ERFL: variants seen among roughly 807,000 people sequenced by gnomAD.
ERFL encodes ETS domain-containing transcription factor ERF-like.
In ERFL, 8 loss-of-function variants were observed where a neutral mutation model predicts 27.9. That is an observed-to-expected ratio of 0.29 (90% CI 0.17 to 0.52). The LOEUF (loss-of-function observed/expected upper bound fraction) is 0.52, where lower values mean the gene tolerates loss of function less well. ERFL is among the 20% of genes least tolerant of loss of function. ERFL has a pLI of 0.97. For synonymous variants in ERFL, 174 were observed against 202.8 expected (o/e 0.86, Z 1.21); for missense variants, 294 against 444.4 (o/e 0.66, Z 3.04).
rs1555851146 is a variant in ERFL at position 41,910,461 on chromosome 19, C to G, written c.68-364G>C. ...TCCAACAGCGTTAGTCCTCTCACTG[C>G]CCCCAGCCAGCCCTAGGAGGTCTCT... On this transcript the variant is annotated intron_variant, in intron 2 of 5. Coordinates refer to ENST00000597630, the MANE Select transcript of ERFL (RefSeq NM_001365103.2). The surrounding 1 kb of genome is among the most constrained non-coding windows in gnomAD (Gnocchi z 4.4). Among the ~76,000 whole-genome samples, 1 of 152,070 alleles carries G rather than the reference C, an allele frequency of 6.6e-6. No individual in the cohort carries two copies. Among genetic ancestry groups the G allele is most frequent in the East Asian group, 1.9e-4 (1 of 5,192 alleles).
rs2074740120 is a variant in ERFL at position 41,909,372 on chromosome 19, C to T, written c.402G>A (p.Leu134=). ...SKVVLVNYPL[L]DMAAAATGSP... ...AGCCAGTGGCAGCTGCCGCCATGTC[C>T]AGCAGCGGGTAATTGACAAGCACGA... The change falls in exon 4 of 6, where the codon CTG becomes CTA. Residue 134 remains leucine, a synonymous_variant. Coordinates refer to ENST00000597630, the MANE Select transcript of ERFL (RefSeq NM_001365103.2). This position sits in a 1 kb window ranked among gnomAD's most constrained non-coding sequence, Gnocchi z 5.2. The T allele has an allele frequency of 1.6e-6, 2 of 1,236,836 alleles. No individual in the cohort carries two copies. The highest frequency in any genetic ancestry group is 2.0e-6 in the Non-Finnish European group (2 of 990,104). The allele number at this position is 1,236,836 out of a possible 1,614,324, so 76.6% of individuals were successfully genotyped here. A position where few individuals can be genotyped will look rare whatever the true frequency, so the allele number is the denominator to read the frequency against.
At chr19:41,915,511 T>C (rs1468690175) in intron 1 of ERFL, among the ~76,000 whole-genome samples, 8 of 151,844 alleles carry the variant, frequency 5.3e-5, no homozygotes, top group Non-Finnish European at 7.4e-5. Context: ...TGTCTCTGGG[T>C]CTCCACATGG....
intron 1 of ERFL, among the ~76,000 whole-genome samples, chr19:41,922,131 G>C (rs1456490326): frequency 6.6e-6 from 1 of 152,122 alleles, no homozygotes; most frequent in Non-Finnish European, 1.5e-5. Flanking sequence ...GTGTACACCA[G>C]AACCAGCTAC....
rs1197961501 is a variant in ERFL at position 41,921,951 on chromosome 19, T to C, written c.-14+6089A>G. ...CTCCATCCTCTACCTCTCCTCCTGG[T>C]CCTCATCCCCAACTCCCACCCCTTC... On this transcript the variant is annotated intron_variant, in intron 1 of 5. Coordinates refer to ENST00000597630, the MANE Select transcript of ERFL (RefSeq NM_001365103.2). The surrounding 1 kb of genome is among the most constrained non-coding windows in gnomAD (Gnocchi z 4.4). Among the ~76,000 whole-genome samples, 9 of 139,954 alleles carry C rather than the reference T, an allele frequency of 6.4e-5. No homozygotes were observed. The highest frequency in any genetic ancestry group is 2.4e-4 in the African/African-American group (9 of 37,440). The allele number at this position is 139,954 out of a possible 152,430, so 91.8% of individuals were successfully genotyped here.
intron 1 of ERFL, among the ~76,000 whole-genome samples, chr19:41,924,405 G>T (rs1360743962): frequency 1.3e-5 from 2 of 152,112 alleles, no homozygotes; most frequent in Non-Finnish European, 1.5e-5. Context: ...GCAAGTACGT[G>T]CCTCATGAGG....
Position 41,921,018 on chromosome 19 carries a change from G to A in ERFL, c.-14+7022C>T, listed in dbSNP as rs1007411927. ...CTCCGCACGATGTCCCTGGGGCTGCGGACAGCAGCGCTCCGAATGGTGTCA... is the reference window on the plus strand; with the variant it reads ...CTCCGCACGATGTCCCTGGGGCTGCAGACAGCAGCGCTCCGAATGGTGTCA... On this transcript the variant is annotated intron_variant, in intron 1 of 5. Transcript: ENST00000597630. This position sits in a 1 kb window ranked among gnomAD's most constrained non-coding sequence, Gnocchi z 4.4. 1.3e-5 allele frequency among the ~76,000 whole-genome samples: 2 copies of A among 152,358 alleles called. No homozygotes were observed. The highest frequency in any genetic ancestry group is 2.1e-4 in the South Asian group (1 of 4,830).
chr19:41,925,272 G>T (rs1424442245), intron 1 of ERFL, among the ~76,000 whole-genome samples: 5 of 152,096 alleles, frequency 3.3e-5, no homozygotes, highest in Non-Finnish European at 5.9e-5. Context: ...GGGGTTACTG[G>T]TGTGACCTTG....
chr19:41,911,964 A>C (rs533168092), intron 2 of ERFL, among the ~76,000 whole-genome samples: 4 of 151,838 alleles, frequency 2.6e-5, no homozygotes, highest in Non-Finnish European at 4.4e-5. Flanking sequence ...ACAGAGGCCC[A>C]GGGATGCATC....
Position 41,916,842 on chromosome 19 carries a change from C to T in ERFL, c.-13-3910G>A, listed in dbSNP as rs768231797. Among the ~76,000 whole-genome samples the T allele has an allele frequency of 8.0e-6, 1 of 125,668 alleles. No homozygotes were observed. The highest frequency in any genetic ancestry group is 1.5e-5 in the Non-Finnish European group (1 of 67,314). 82.4% of individuals were successfully genotyped at this position (125,668 alleles called of 152,430 possible). A position where few individuals can be genotyped will look rare whatever the true frequency, so the allele number is the denominator to read the frequency against. On this transcript the variant is annotated intron_variant, in intron 1 of 5. Transcript: ENST00000597630. This position sits in a 1 kb window ranked among gnomAD's most constrained non-coding sequence, Gnocchi z 5.4. ...AAGATCACGGACCCAAACATACGAC[C>T]GACAGCGGCCCCTGCAGAGGTACAC...
At chr19:41,919,738 G>A (rs556113630) in intron 1 of ERFL, among the ~76,000 whole-genome samples, 1 of 152,052 alleles carries the variant, frequency 6.6e-6, no homozygotes, top group African/African-American at 2.4e-5. Context: ...CACTCACTTG[G>A]TCCTTCCACC....
rs2074809394 is a variant in ERFL, at chr19:41,917,568, T to G, written c.-13-4636A>C. 2.6e-5 allele frequency among the ~76,000 whole-genome samples: 4 copies of G among 151,302 alleles called. No individual in the cohort carries two copies. Among genetic ancestry groups the G allele is most frequent in the African/African-American group, 7.3e-5 (3 of 41,034 alleles). ...ATTTCATATCTTCTCCGGGGCTCTG[T>G]CTAAAGAGGAGAGAGACGCGGCCTA... On this transcript the variant is annotated intron_variant, in intron 1 of 5. Coordinates refer to ENST00000597630, the MANE Select transcript of ERFL (RefSeq NM_001365103.2). The surrounding 1 kb of genome is among the most constrained non-coding windows in gnomAD (Gnocchi z 4.8).
intron 1 of ERFL, among the ~76,000 whole-genome samples, chr19:41,913,533 CCCT>C (rs1555851460): frequency 2.0e-5 from 3 of 151,734 alleles, no homozygotes; most frequent in Non-Finnish European, 4.4e-5. Context: ...GCCCAGCACC[CCCT>C]CCTCCAGTCC....
Position 41,908,265 on chromosome 19 carries a change from G to C in ERFL, c.1028C>G (p.Pro343Arg). ...SEGDEGLPAP[P>R]KAKAGKGGTG... Reference sequence around the variant, plus strand: ...CCCCCCTTTGCCCGCCTTTGCCTTGGGGGGTGCCGGGAGACCCTCATCGCC... The same window carrying C: ...CCCCCCTTTGCCCGCCTTTGCCTTGCGGGGTGCCGGGAGACCCTCATCGCC... Residue 343 changes from proline (P) to arginine (R), a missense_variant, in exon 6 of 6, where the codon CCC becomes CGC. This residue lies in a region of ERFL where 246 missense variants were observed against 371.4 expected (regional missense o/e 0.66). Transcript: ENST00000597630. The surrounding 1 kb of genome is among the most constrained non-coding windows in gnomAD (Gnocchi z 6.7). 8.1e-7 allele frequency: 1 copy of C among 1,231,656 alleles called. No homozygotes were observed. The highest frequency in any genetic ancestry group is 1.0e-6 in the Non-Finnish European group (1 of 987,918). The allele number at this position is 1,231,656 out of a possible 1,614,324, so 76.3% of individuals were successfully genotyped here. A position where few individuals can be genotyped will look rare whatever the true frequency, so the allele number is the denominator to read the frequency against.
intron 1 of ERFL, among the ~76,000 whole-genome samples, chr19:41,926,031 G>A (rs2074868856): frequency 6.6e-6 from 1 of 152,022 alleles, no homozygotes; most frequent in Non-Finnish European, 1.5e-5. Context: ...AGAGGAGGAA[G>A]AGGTGAAGAA....
rs1599679855 is a variant in ERFL, at chr19:41,921,974, T to C, written c.-14+6066A>G. On this transcript the variant is annotated intron_variant, in intron 1 of 5. Transcript: ENST00000597630. The surrounding 1 kb of genome is among the most constrained non-coding windows in gnomAD (Gnocchi z 4.4). Reference sequence around the variant, plus strand: ...GGTCCTCATCCCCAACTCCCACCCCTTCCCCACCCTTGCCTTCATTCTACC... The same window carrying C: ...GGTCCTCATCCCCAACTCCCACCCCCTCCCCACCCTTGCCTTCATTCTACC... Among the ~76,000 whole-genome samples the C allele has an allele frequency of 1.3e-5, 1 of 78,416 alleles. No homozygotes were observed. The highest frequency in any genetic ancestry group is 2.5e-5 in the Non-Finnish European group (1 of 39,912). The allele number at this position is 78,416 out of a possible 152,430, so 51.4% of individuals were successfully genotyped here. A position where few individuals can be genotyped will look rare whatever the true frequency, so the allele number is the denominator to read the frequency against.
At chr19:41,911,685 A>G (rs569976971) in intron 2 of ERFL, among the ~76,000 whole-genome samples, 2 of 152,182 alleles carry the variant, frequency 1.3e-5, no homozygotes, top group East Asian at 3.9e-4. Context: ...GCTCTGACCC[A>G]TTCCACACCC....
intron 2 of ERFL, among the ~76,000 whole-genome samples, chr19:41,911,980 C>G (rs1033431712): frequency 2.0e-5 from 3 of 151,970 alleles, no homozygotes; most frequent in African/African-American, 7.3e-5. Flanking sequence ...GCATCCCCCC[C>G]ACAGCCCCAA....
rs1195781935 is a variant in ERFL, at chr19:41,910,854, C to T, written c.68-757G>A. On this transcript the variant is annotated intron_variant, in intron 2 of 5. Transcript: ENST00000597630. This position sits in a 1 kb window ranked among gnomAD's most constrained non-coding sequence, Gnocchi z 4.4. ...ACACTCATGCTGGGGGCCACCAAGG[C>T]TGACATGGCAGACACAGGCTGCGCA... 7.9e-5 allele frequency among the ~76,000 whole-genome samples: 12 copies of T among 152,188 alleles called. No individual in the cohort carries two copies. Among genetic ancestry groups the T allele is most frequent in the Non-Finnish European group, 5.9e-5 (4 of 68,032 alleles).
rs367640006 is a variant in ERFL at position 41,915,560 on chromosome 19, C to T, written c.-13-2628G>A. ...TCTAGGGTCTCCACACCCCTGTCTC[C>T]GTCTCCACATCTCCATATCTCCTCC... On this transcript the variant is annotated intron_variant, in intron 1 of 5. Transcript: ENST00000597630. Among the ~76,000 whole-genome samples the T allele has an allele frequency of 6.6e-5, 10 of 152,166 alleles. 1 individual carries two copies. Among genetic ancestry groups the T allele is most frequent in the Middle Eastern group, 6.8e-3 (2 of 294 alleles).
Sources: gnomAD v4.1 joint callset for allele counts (sites outside exome capture counted in the v4.1 genomes callset) on GRCh38, gnomAD v4.1.1 for gene constraint, gnomAD v4.1.1 regional missense constraint, Gnocchi (gnomAD v3.1) non-coding constraint, MANE v1.5 for transcripts, NCBI Gene and HGNC (gene_info 2026-07-23, HGNC 2026-07-21) for gene names.